The following FARP1 variants were observed in gnomAD, a reference collection of about 807,000 sequenced individuals.
The protein encoded by FARP1 is FERM, ARHGEF and pleckstrin domain-containing protein 1.
In FARP1, 52 loss-of-function variants were observed where a neutral mutation model predicts 128.8. That is an observed-to-expected ratio of 0.40 (90% CI 0.32 to 0.51). The LOEUF is 0.51. FARP1 is among the 20% of genes least tolerant of loss of function. The pLI is 0.45. For missense variants in FARP1, 1,333 were observed against 1,367.9 expected (o/e 0.97, Z 0.40); for synonymous variants, 580 against 551.8 (o/e 1.05, Z -0.72).
At chr13:98,334,777 G>A (rs1412029072) in intron 2 of FARP1, among the ~76,000 whole-genome samples, 1 of 152,134 alleles carries the variant, frequency 6.6e-6, no homozygotes, top group African/African-American at 2.4e-5. Flanking sequence ...GAGGGCTCTC[G>A]CTTGCTGTCA....
At chr13:98,274,804 C>G (rs1030355806) in intron 2 of FARP1, among the ~76,000 whole-genome samples, 9 of 152,168 alleles carry the variant, frequency 5.9e-5, no homozygotes, top group Non-Finnish European at 4.4e-5. Flanking sequence ...ATATTAAAAG[C>G]TGGTACCAGT....
chr13:98,264,667 G>C (rs2139554228), intron 2 of FARP1, among the ~76,000 whole-genome samples: 1 of 152,202 alleles, frequency 6.6e-6, no homozygotes, highest in African/African-American at 2.4e-5. Flanking sequence ...CAAATACCAA[G>C]GTTGCCAAGA....
intron 18 of FARP1, chr13:98,433,392 G>A (rs9517294): frequency 0.38 from 57,520 of 152,052 alleles, 11,125 homozygotes; most frequent in East Asian, 0.52. Context: ...GGGGAACACA[G>A]GTGCCTCCTG....
intron 1 of FARP1, among the ~76,000 whole-genome samples, chr13:98,161,995 C>T (rs552822959): frequency 6.6e-6 from 1 of 152,128 alleles, no homozygotes; most frequent in African/African-American, 2.4e-5. Flanking sequence ...CTTCCCCAGG[C>T]TGGTCTCAAA....
chr13:98,182,544 C>G (rs1404313836), intron 1 of FARP1, among the ~76,000 whole-genome samples: 1 of 152,148 alleles, frequency 6.6e-6, no homozygotes. Context: ...CCAGGCTGGT[C>G]TCAAACTCCC....
chr13:98,375,450 A>G (rs1201896894), intron 5 of FARP1, among the ~76,000 whole-genome samples: 1 of 152,126 alleles, frequency 6.6e-6, no homozygotes, highest in African/African-American at 2.4e-5. Flanking sequence ...CCTTTCTTCA[A>G]CTACTTGGCT....
At chr13:98,147,012 C>T (rs760318915) in intron 1 of FARP1, among the ~76,000 whole-genome samples, 22 of 152,288 alleles carry the variant, frequency 1.4e-4, no homozygotes, top group Middle Eastern at 3.4e-3. Context: ...CAGAGCCAAA[C>T]GGTTTTCATT....
intron 1 of FARP1, among the ~76,000 whole-genome samples, chr13:98,194,405 C>T (rs554126853): frequency 3.7e-4 from 56 of 152,372 alleles, no homozygotes; most frequent in Admixed American, 1.8e-3. Context: ...GCGTGAGCCA[C>T]CGTACCTGGC....
At chr13:98,165,984 T>C (rs1352958107) in intron 1 of FARP1, among the ~76,000 whole-genome samples, 1 of 152,110 alleles carries the variant, frequency 6.6e-6, no homozygotes, top group East Asian at 1.9e-4. Context: ...CCTCCCAAAG[T>C]GCTGGGATTA....
intron 1 of FARP1, among the ~76,000 whole-genome samples, chr13:98,178,234 C>T (rs1438594712): frequency 2.1e-5 from 3 of 145,260 alleles, no homozygotes; most frequent in Admixed American, 7.0e-5. Flanking sequence ...CTCGCTCTGT[C>T]GCCCAGGCTG....
intron 16 of FARP1, among the ~76,000 whole-genome samples, chr13:98,416,590 C>T (rs1303340783): frequency 1.3e-5 from 2 of 152,214 alleles, no homozygotes; most frequent in Admixed American, 6.5e-5. Context: ...TTGGTGAGTT[C>T]TAATAACTTC....
chr13:98,449,963 C>G lies in FARP1; in HGVS notation c.*1646C>G, dbSNP rs1262495466. 1 of 152,358 alleles carries G rather than the reference C, an allele frequency of 6.6e-6. No homozygotes were observed. 9.4% of individuals were successfully genotyped at this position (152,358 alleles called of 1,614,324 possible). ...CTCCGGGCCACACAGCAGCATCAGG[C>G]TCCCTCCAGAAGTCACCACTCACTC... On this transcript the variant is annotated 3_prime_UTR_variant, in exon 27 of 27. Transcript: ENST00000319562.
At position 98,225,021 on chromosome 13, in the gene FARP1, G is replaced by A. The variant is rs190538489; in HGVS notation, c.171+11608G>A. On this transcript the variant is annotated intron_variant, in intron 2 of 26. Transcript: ENST00000319562. ...TCACACTTCAGTCCTGGGATTCACA[G>A]ACATGCTCTGAATTTCTAGACGGTC... Among the ~76,000 whole-genome samples the A allele has an allele frequency of 5.2e-4, 79 of 152,302 alleles. 1 individual carries two copies. The highest frequency in any genetic ancestry group is 1.7e-3 in the African/African-American group (71 of 41,570).
intron 16 of FARP1, among the ~76,000 whole-genome samples, chr13:98,416,342 G>A (rs909952645): frequency 1.4e-4 from 21 of 152,340 alleles, no homozygotes; most frequent in African/African-American, 5.1e-4. Flanking sequence ...TCCCTTCGCA[G>A]TCCTGCATGA....
Position 98,320,907 on chromosome 13 carries a change from T to G in FARP1, c.172-22855T>G, listed in dbSNP as rs150310932. Among the ~76,000 whole-genome samples, 530 of 152,260 alleles carry G rather than the reference T, an allele frequency of 3.5e-3. 1 individual carries two copies. The highest frequency in any genetic ancestry group is 0.027 in the Middle Eastern group (8 of 294). ...GAGTCACTCAGAAGGCCCGGAAATC[T>G]AAATGTAAAACTGGAGCTGTTGTTC... is the stretch of plus-strand genomic sequence containing the variant. On this transcript the variant is annotated intron_variant, in intron 2 of 26. Transcript: ENST00000319562.
At chr13:98,162,679 T>C (rs1876971090) in intron 1 of FARP1, among the ~76,000 whole-genome samples, 1 of 152,196 alleles carries the variant, frequency 6.6e-6, no homozygotes, top group African/African-American at 2.4e-5. Context: ...CATCTACCTT[T>C]GACTTCTAGA....
chr13:98,259,440 T>C (rs1883767594), intron 2 of FARP1, among the ~76,000 whole-genome samples: 1 of 150,714 alleles, frequency 6.6e-6, no homozygotes, highest in Non-Finnish European at 1.5e-5. Flanking sequence ...AGCATGTCAC[T>C]TGGGGCTTAA....
chr13:98,300,071 C>G (rs12864377), intron 2 of FARP1, among the ~76,000 whole-genome samples: 1 of 152,048 alleles, frequency 6.6e-6, no homozygotes, highest in East Asian at 1.9e-4. Flanking sequence ...AAAACACTCC[C>G]TCTCAGTCCC....
intron 2 of FARP1, among the ~76,000 whole-genome samples, chr13:98,222,925 C>G (rs529916680): frequency 1.2e-4 from 18 of 151,848 alleles, no homozygotes; most frequent in Non-Finnish European, 2.9e-5. Flanking sequence ...CATGAGCCAC[C>G]GTGCCTGGCC....
Sources: allele counts gnomAD v4.1 joint callset (sites outside exome capture counted in the v4.1 genomes callset), GRCh38; gene constraint gnomAD v4.1.1; transcripts MANE v1.5; gene names NCBI Gene and HGNC (gene_info 2026-07-23, HGNC 2026-07-21).